Variants in SESTD1 observed in about 807,000 individuals in gnomAD.
SESTD1 encodes SEC14 domain and spectrin repeat-containing protein 1.
Under a neutral mutation model 101.7 loss-of-function variants are expected in SESTD1, and 43 were observed. That is an observed-to-expected ratio of 0.42 (90% confidence interval 0.33 to 0.55). The LOEUF (loss-of-function observed/expected upper bound fraction) is 0.55, where lower values mean the gene tolerates loss of function less well. Among genes scored for constraint, SESTD1 ranks in the 20% least tolerant of loss-of-function variants. The pLI is 0.07. For missense variants in SESTD1, 647 were observed against 815.1 expected, an observed-to-expected ratio of 0.79 and a Z score of 2.51; for synonymous variants, 283 against 286.8, an observed-to-expected ratio of 0.99 and a Z score of 0.13.
chr2:179,182,595 G>A (rs958985242), intron 3 of SESTD1, among the ~76,000 whole-genome samples: 7 of 152,018 alleles, frequency 4.6e-5, no homozygotes, highest in Admixed American at 3.9e-4. Flanking sequence ...GGTCTTCACT[G>A]AAGAAATGTG....
At chr2:179,127,574 C>G (rs2044904403) in intron 10 of SESTD1, among the ~76,000 whole-genome samples, 1 of 152,184 alleles carries the variant, frequency 6.6e-6, no homozygotes, top group South Asian at 2.1e-4. Flanking sequence ...TGGGTTATCA[C>G]AACTGAGGAA....
At position 179,109,500 on chromosome 2, in the gene SESTD1, TTAAC is replaced by T. The variant is rs1459381584; in HGVS notation, c.*395_*398del. On this transcript the variant is annotated 3_prime_UTR_variant, in exon 18 of 18. Coordinates refer to ENST00000428443, the MANE Select transcript of SESTD1 (RefSeq NM_178123.5). Reference sequence around the variant, plus strand: ...GACACCACTGTCTACTAACAAGAGTTTAACTACTGTCTAAATTTACTAAATCACC... The same window carrying T: ...GACACCACTGTCTACTAACAAGAGTTTACTGTCTAAATTTACTAAATCACC... 7.8e-6 allele frequency: 3 copies of T among 386,874 alleles called. No homozygotes were observed. Among genetic ancestry groups the T allele is most frequent in the African/African-American group, 2.1e-5 (1 of 48,370 alleles). 24.0% of individuals were successfully genotyped at this position (386,874 alleles called of 1,614,324 possible). A position where few individuals can be genotyped will look rare whatever the true frequency, so the allele number is the denominator to read the frequency against.
intron 8 of SESTD1, among the ~76,000 whole-genome samples, chr2:179,144,122 T>A (rs1271096955): frequency 2.6e-5 from 4 of 151,532 alleles, no homozygotes; most frequent in Admixed American, 6.6e-5. Flanking sequence ...CGGTTTATAT[T>A]TTTTTTTATC....
Position 179,197,278 on chromosome 2 carries a change from G to A in SESTD1, c.-25-5412C>T, listed in dbSNP as rs1450688909. ...TAGAGAAAAAAAAATAAAAACAAAT[G>A]AGCAAAGCCTCCAAGAAATATGGGA... On this transcript the variant is annotated intron_variant, in intron 1 of 17. Transcript: ENST00000428443. Among the ~76,000 whole-genome samples, 4 of 152,192 alleles carry A rather than the reference G, an allele frequency of 2.6e-5. No individual in the cohort carries two copies. In the South Asian group the frequency reaches 6.2e-4, roughly 24 times the overall value.
At chr2:179,114,606 A>G (rs1047756364) in intron 16 of SESTD1, among the ~76,000 whole-genome samples, 3 of 151,966 alleles carry the variant, frequency 2.0e-5, no homozygotes, top group Non-Finnish European at 4.4e-5. Flanking sequence ...AACACATATA[A>G]AAAAGCATTT....
At position 179,107,847 on chromosome 2, in the gene SESTD1, G is replaced by A. The variant is rs551775364; in HGVS notation, c.*2052C>T. The stretch of plus-strand genomic sequence containing the variant: ...TAGAATGTGATAGCACCATCATGAA[G>A]ACTGAAATAAATAATCACAAAAGTT... On this transcript the variant is annotated 3_prime_UTR_variant, in exon 18 of 18. Coordinates refer to ENST00000428443, the MANE Select transcript of SESTD1 (RefSeq NM_178123.5). 6.6e-6 allele frequency: 1 copy of A among 151,290 alleles called. No individual in the cohort carries two copies. The highest frequency in any genetic ancestry group is 1.5e-5 in the Non-Finnish European group (1 of 68,000). 9.4% of individuals were successfully genotyped at this position (151,290 alleles called of 1,614,324 possible).
rs2044390399 is a variant in SESTD1 at position 179,106,674 on chromosome 2, AG to A, written c.*3224del. ...AGCCAATGTAAATTTGTATAAAGTG[AG>A]AAGTATTCAATCTTCTACCTAACAA... On this transcript the variant is annotated 3_prime_UTR_variant, in exon 18 of 18. Transcript: ENST00000428443. 6.6e-6 allele frequency: 1 copy of A among 152,200 alleles called. No individual in the cohort carries two copies. Among genetic ancestry groups the A allele is most frequent in the Non-Finnish European group, 1.5e-5 (1 of 68,034 alleles). 9.4% of individuals were successfully genotyped at this position (152,200 alleles called of 1,614,324 possible).
At chr2:179,155,023 C>T (rs578069829) in intron 5 of SESTD1, among the ~76,000 whole-genome samples, 1 of 152,218 alleles carries the variant, frequency 6.6e-6, no homozygotes, top group South Asian at 2.1e-4. Context: ...AAAGGATTCT[C>T]CTGTCTCAGC....
intron 1 of SESTD1, among the ~76,000 whole-genome samples, chr2:179,196,338 G>A (rs1475940634): frequency 1.3e-5 from 2 of 152,206 alleles, no homozygotes; most frequent in Admixed American, 1.3e-4. Flanking sequence ...TGCTAGCACA[G>A]CAGTCTGAGA....
At chr2:179,149,415 A>G (rs1466729615) in intron 6 of SESTD1, 21 bp from the exon 7 acceptor site, 1 of 1,479,642 alleles carries the variant, frequency 6.8e-7, no homozygotes, top group Non-Finnish European at 9.3e-7. Flanking sequence ...AGTTTTATTA[A>G]CATACTAAGA....
chr2:179,185,925 CAT>C (rs969079563), intron 2 of SESTD1, among the ~76,000 whole-genome samples: 1 of 129,366 alleles, frequency 7.7e-6, no homozygotes, highest in Non-Finnish European at 1.6e-5. Flanking sequence ...TATAATATAG[CAT>C]ATACAATATA....
At chr2:179,203,816 C>T (rs2046555208) in intron 1 of SESTD1, among the ~76,000 whole-genome samples, 1 of 133,732 alleles carries the variant, frequency 7.5e-6, no homozygotes, top group Non-Finnish European at 1.6e-5. Flanking sequence ...GCCTGCAGTC[C>T]CAGCTACTAA....
At chr2:179,222,232 T>C (rs549837479) in intron 1 of SESTD1, among the ~76,000 whole-genome samples, 10 of 152,230 alleles carry the variant, frequency 6.6e-5, no homozygotes, top group African/African-American at 1.9e-4. Flanking sequence ...TAAAGTTTAG[T>C]GCAGTGGCAA....
chr2:179,140,007 G>A (rs1486118607), intron 9 of SESTD1, among the ~76,000 whole-genome samples: 3 of 152,186 alleles, frequency 2.0e-5, no homozygotes, highest in Non-Finnish European at 4.4e-5. Context: ...CGACACAGAA[G>A]GAGCTCTCGC....
At chr2:179,168,772 AAAAG>A (rs1001454989) in intron 5 of SESTD1, among the ~76,000 whole-genome samples, 2 of 149,660 alleles carry the variant, frequency 1.3e-5, no homozygotes, top group African/African-American at 5.1e-5. Flanking sequence ...TAATTGCTGT[AAAAG>A]AAAACAGATT....
At chr2:179,139,098 T>C (rs1406826441) in intron 9 of SESTD1, among the ~76,000 whole-genome samples, 2 of 152,172 alleles carry the variant, frequency 1.3e-5, no homozygotes, top group African/African-American at 4.8e-5. Context: ...ATTCCCATTG[T>C]AATGTTCTAT....
intron 9 of SESTD1, among the ~76,000 whole-genome samples, chr2:179,135,645 C>T (rs534914895): frequency 4.4e-4 from 67 of 152,202 alleles, no homozygotes; most frequent in Middle Eastern, 3.4e-3. Context: ...CCCAGCTGCT[C>T]AGGAGGCTGA....
At chr2:179,193,449 G>A (rs1418794199) in intron 1 of SESTD1, among the ~76,000 whole-genome samples, 1 of 152,156 alleles carries the variant, frequency 6.6e-6, no homozygotes, top group African/African-American at 2.4e-5. Context: ...AGCACTTCAT[G>A]ATGAGTTGTT....
chr2:179,183,344 T>C (rs12693176), intron 2 of SESTD1, among the ~76,000 whole-genome samples, 156 bp from the exon 3 acceptor site: 90,190 of 151,960 alleles, frequency 0.59, 28,566 homozygotes, highest in East Asian at 0.83. Flanking sequence ...ATTTTTATGA[T>C]AGTATAGAAG....
Sources: allele counts gnomAD v4.1 joint callset (sites outside exome capture counted in the v4.1 genomes callset), GRCh38; gene constraint gnomAD v4.1.1; transcripts MANE v1.5; gene names NCBI Gene and HGNC (gene_info 2026-07-23, HGNC 2026-07-21).